The following JMJD1C variants were observed in gnomAD, a reference collection of about 807,000 sequenced individuals.
JMJD1C encodes the protein jumonji domain containing 1C, also known as jumonji domain-containing protein 1C.
In JMJD1C, 31 loss-of-function variants were observed where a neutral mutation model predicts 245.3. The ratio of observed to expected loss-of-function variants is 0.13; its 90% confidence interval spans 0.09 to 0.17. The LOEUF (loss-of-function observed/expected upper bound fraction) is 0.17, where lower values mean the gene tolerates loss of function less well. Ranked by LOEUF, JMJD1C falls within the 10% of genes least tolerant of loss-of-function variation. The probability of loss-of-function intolerance (pLI) is 1.00; values close to 1 mark genes in which losing one functional copy is unlikely to be tolerated. For missense variants in JMJD1C, 2,691 were observed against 3,000.2 expected, an observed-to-expected ratio of 0.90 and a Z score of 2.41; for synonymous variants, 1,057 against 1,017.4, an observed-to-expected ratio of 1.04 and a Z score of -0.74.
intron 1 of JMJD1C, among the ~76,000 whole-genome samples, chr10:63,476,331 G>C (rs1024749747): frequency 3.4e-4 from 51 of 151,506 alleles, no homozygotes; most frequent in African/African-American, 1.2e-3. Flanking sequence ...TCAACTCCAA[G>C]CAAGACTAAT....
chr10:63,208,977 G>C, intron 9 of JMJD1C, 86 bp downstream of exon 9: 1 of 1,214,164 alleles, frequency 8.2e-7, no homozygotes, highest in Non-Finnish European at 1.2e-6. Flanking sequence ...TAAGATATGT[G>C]TTAACTTAAA....
intron 3 of JMJD1C, among the ~76,000 whole-genome samples, chr10:63,225,938 A>T (rs2133341923): frequency 6.6e-6 from 1 of 152,198 alleles, no homozygotes; most frequent in South Asian, 2.1e-4. Flanking sequence ...CAGAGCTGTT[A>T]TCTGAACTTA....
intron 24 of JMJD1C, among the ~76,000 whole-genome samples, chr10:63,173,490 G>A (rs1348629580): frequency 6.6e-6 from 1 of 152,224 alleles, no homozygotes; most frequent in Admixed American, 6.5e-5. Flanking sequence ...GGGAGGCCAA[G>A]GCAGGAAGAT....
chr10:63,461,281 G>A (rs1055724512), intron 1 of JMJD1C, among the ~76,000 whole-genome samples: 1 of 152,098 alleles, frequency 6.6e-6, no homozygotes, highest in Non-Finnish European at 1.5e-5. Context: ...AACCTATCAA[G>A]ATCGTATTGA....
chr10:63,349,349 G>C (rs1339716790), intron 2 of JMJD1C, among the ~76,000 whole-genome samples: 2 of 152,136 alleles, frequency 1.3e-5, no homozygotes, highest in African/African-American at 4.8e-5. Context: ...ACAATGCCTG[G>C]TATGGAGCAA....
intron 1 of JMJD1C, among the ~76,000 whole-genome samples, chr10:63,495,349 A>T (rs1954323885): frequency 6.6e-6 from 1 of 152,156 alleles, no homozygotes; most frequent in African/African-American, 2.4e-5. Context: ...TGGCCAATGT[A>T]TCAATAAGGA....
intron 1 of JMJD1C, among the ~76,000 whole-genome samples, chr10:63,501,591 C>G (rs1304027649): frequency 1.3e-5 from 2 of 152,064 alleles, no homozygotes; most frequent in Non-Finnish European, 2.9e-5. Context: ...TCCTGGCTAA[C>G]ACAGTGAAAC....
At chr10:63,384,600 G>C (rs1418244267) in intron 1 of JMJD1C, among the ~76,000 whole-genome samples, 1 of 152,100 alleles carries the variant, frequency 6.6e-6, no homozygotes, top group Non-Finnish European at 1.5e-5. Context: ...AAAATATTTA[G>C]AAAAACCTAC....
At chr10:63,446,682 GA>G (rs1817716974) in intron 1 of JMJD1C, among the ~76,000 whole-genome samples, 1 of 152,170 alleles carries the variant, frequency 6.6e-6, no homozygotes, top group Non-Finnish European at 1.5e-5. Context: ...TGAAGGAAAA[GA>G]AGGTGATTAA....
chr10:63,176,561 C>T (rs1842873370), intron 23 of JMJD1C, 88 bp from the exon 24 acceptor site: 1 of 950,994 alleles, frequency 1.1e-6, no homozygotes, highest in African/African-American at 1.7e-5. Flanking sequence ...TTTGTAATAA[C>T]AAATCTTTTC....
intron 1 of JMJD1C, among the ~76,000 whole-genome samples, chr10:63,472,459 G>A (rs1279374133): frequency 6.6e-6 from 1 of 152,094 alleles, no homozygotes; most frequent in Non-Finnish European, 1.5e-5. Flanking sequence ...AGTCTCCCAA[G>A]TAGCTGGAAT....
At chr10:63,464,364 G>C (rs1168374517) in intron 1 of JMJD1C, among the ~76,000 whole-genome samples, 1 of 151,830 alleles carries the variant, frequency 6.6e-6, no homozygotes, top group African/African-American at 2.4e-5. Context: ...AAAATAGGTA[G>C]GTAAAAAATA....
intron 1 of JMJD1C, among the ~76,000 whole-genome samples, chr10:63,494,411 T>C (rs1954286221): frequency 6.6e-6 from 1 of 152,166 alleles, no homozygotes; most frequent in African/African-American, 2.4e-5. Context: ...CTGCATATCA[T>C]TTAAGTTAAA....
At chr10:63,273,130 G>A (rs1291160247) in intron 2 of JMJD1C, among the ~76,000 whole-genome samples, 1 of 152,206 alleles carries the variant, frequency 6.6e-6, no homozygotes, top group Non-Finnish European at 1.5e-5. Flanking sequence ...AATTCTTGAT[G>A]CAAAGGATGC....
In JMJD1C at chr10:63,459,072, C is replaced by G. The variant is rs75888251; in HGVS notation, c.168+6423G>C. On this transcript the variant is annotated intron_variant, in intron 1 of 25. Transcript: ENST00000399262. ...TATGGTAATATAGTACAAGTCCTTACGTTATGGTAGTTAACTATGGTAATA... is the reference window on the plus strand; with the variant it reads ...TATGGTAATATAGTACAAGTCCTTAGGTTATGGTAGTTAACTATGGTAATA... Among the ~76,000 whole-genome samples the G allele has an allele frequency of 6.7e-4, 102 of 152,214 alleles. 1 individual carries two copies. The highest frequency in any genetic ancestry group is 2.4e-3 in the African/African-American group (99 of 41,534).
At chr10:63,281,091 C>T (rs1387445319) in intron 2 of JMJD1C, among the ~76,000 whole-genome samples, 1 of 150,722 alleles carries the variant, frequency 6.6e-6, no homozygotes, top group African/African-American at 2.4e-5. Flanking sequence ...CTCCGCCTTC[C>T]AAAGTGCTGG....
intron 16 of JMJD1C, 50 bp downstream of exon 16, chr10:63,192,884 GGTTA>G (rs1845004548): frequency 4.8e-6 from 6 of 1,255,546 alleles, no homozygotes; most frequent in Non-Finnish European, 7.0e-6. Context: ...GTACATTGTT[GGTTA>G]GTTATACTAT....
At chr10:63,314,633 T>C (rs371867301) in intron 2 of JMJD1C, among the ~76,000 whole-genome samples, 81 of 152,260 alleles carry the variant, frequency 5.3e-4, no homozygotes, top group African/African-American at 1.9e-3. Flanking sequence ...AGTTTTGTTT[T>C]TTTTTTTTTC....
chr10:63,301,428 A>T (rs1215286211), intron 2 of JMJD1C, among the ~76,000 whole-genome samples: 2 of 152,226 alleles, frequency 1.3e-5, no homozygotes, highest in Non-Finnish European at 2.9e-5. Flanking sequence ...CACAGGCAAC[A>T]AGTTTTAATG....
Sources: gnomAD v4.1 joint callset for allele counts (sites outside exome capture counted in the v4.1 genomes callset) on GRCh38, gnomAD v4.1.1 for gene constraint, MANE v1.5 for transcripts, NCBI Gene and HGNC (gene_info 2026-07-23, HGNC 2026-07-21) for gene names.